Variants in HAUS1 observed in about 807,000 individuals in gnomAD.
The protein encoded by HAUS1 is HAUS augmin-like complex subunit 1.
In HAUS1, 25 loss-of-function variants were observed where a neutral mutation model predicts 38.6. The observed-to-expected ratio is 0.65, with a 90% CI of 0.47 to 0.91. HAUS1 has a LOEUF of 0.91. Ranked by LOEUF, HAUS1 falls within the 40% of genes least tolerant of loss-of-function variation. The probability of loss-of-function intolerance (pLI) is 0.00; values close to 1 mark genes in which losing one functional copy is unlikely to be tolerated. For synonymous variants in HAUS1, 109 were observed against 112.9 expected (o/e 0.97, Z 0.22); for missense variants, 325 against 328.4 (o/e 0.99, Z 0.08).
At chr18:46,110,190 C>G (rs1911582403) in intron 2 of HAUS1, among the ~76,000 whole-genome samples, 1 of 132,784 alleles carries the variant, frequency 7.5e-6, no homozygotes. Flanking sequence ...GAGTCTTGCT[C>G]TGTCACCCAG....
intron 2 of HAUS1, among the ~76,000 whole-genome samples, chr18:46,107,597 T>C (rs114226857): frequency 6.6e-6 from 1 of 152,160 alleles, no homozygotes; most frequent in Non-Finnish European, 1.5e-5. Flanking sequence ...AAATGAAAAA[T>C]ATGTGGAACT....
chr18:46,107,688 G>A (rs558680395), intron 2 of HAUS1, among the ~76,000 whole-genome samples: 1 of 152,308 alleles, frequency 6.6e-6, no homozygotes, highest in East Asian at 1.9e-4. Flanking sequence ...GAGTAGTAAT[G>A]CCATCTATAG....
intron 6 of HAUS1, among the ~76,000 whole-genome samples, chr18:46,124,312 A>T (rs2144265319): frequency 6.6e-6 from 1 of 151,536 alleles, no homozygotes; most frequent in African/African-American, 2.4e-5. Context: ...CAGGAGGCTG[A>T]GGCAGGAGAA....
At chr18:46,109,315 A>G (rs1255458039) in intron 2 of HAUS1, among the ~76,000 whole-genome samples, 1 of 152,096 alleles carries the variant, frequency 6.6e-6, no homozygotes, top group Non-Finnish European at 1.5e-5. Flanking sequence ...CGCCCCCATG[A>G]TCCAATCACC....
At chr18:46,114,548 G>A (rs996616379) in intron 2 of HAUS1, among the ~76,000 whole-genome samples, 16 of 152,202 alleles carry the variant, frequency 1.1e-4, no homozygotes, top group African/African-American at 3.4e-4. Flanking sequence ...TGGGACTCCA[G>A]TATTCTCAGC....
intron 4 of HAUS1, among the ~76,000 whole-genome samples, 178 bp downstream of exon 4, chr18:46,120,238 G>C (rs895898793): frequency 1.8e-4 from 28 of 151,352 alleles, no homozygotes; most frequent in Non-Finnish European, 2.5e-4. Flanking sequence ...GACTTTTCCA[G>C]CTTTTTTTTT....
intron 2 of HAUS1, among the ~76,000 whole-genome samples, chr18:46,113,063 A>T (rs1911714133): frequency 1.5e-5 from 2 of 132,126 alleles, no homozygotes; most frequent in South Asian, 4.3e-4. Context: ...TATATATATA[A>T]TATATATATT....
intron 2 of HAUS1, among the ~76,000 whole-genome samples, chr18:46,111,462 C>T (rs987055915): frequency 1.2e-4 from 18 of 152,052 alleles, no homozygotes; most frequent in Admixed American, 3.9e-4. Flanking sequence ...GCTGGACTTA[C>T]AGGCATATTT....
intron 2 of HAUS1, 75 bp from the exon 3 acceptor site, chr18:46,118,106 A>C: frequency 7.0e-7 from 1 of 1,438,358 alleles, no homozygotes; most frequent in East Asian, 2.3e-5. Context: ...ATGCTATGTG[A>C]ATTATGTCTT....
intron 2 of HAUS1, among the ~76,000 whole-genome samples, chr18:46,117,770 C>T (rs1326419452): frequency 6.6e-6 from 1 of 152,026 alleles, no homozygotes; most frequent in African/African-American, 2.4e-5. Context: ...TGGTGAAACC[C>T]CATCTCTACT....
intron 2 of HAUS1, among the ~76,000 whole-genome samples, chr18:46,109,002 T>C (rs1365215398): frequency 2.1e-5 from 3 of 140,346 alleles, no homozygotes; most frequent in Non-Finnish European, 4.5e-5. Context: ...ACCTGGGAGG[T>C]GGAGCTTGCA....
chr18:46,111,957 C>T (rs1419055393), intron 2 of HAUS1, among the ~76,000 whole-genome samples: 1 of 149,566 alleles, frequency 6.7e-6, no homozygotes, highest in South Asian at 2.1e-4. Flanking sequence ...ACGATCTCAG[C>T]TCACTGCAAC....
Position 46,125,263 on chromosome 18 carries a change from A to T in HAUS1, c.738+370A>T, listed in dbSNP as rs140453986. Among the ~76,000 whole-genome samples, 250 of 149,656 alleles carry T rather than the reference A, an allele frequency of 1.7e-3. 1 individual carries two copies. The highest frequency in any genetic ancestry group is 5.7e-3 in the African/African-American group (229 of 40,478). On this transcript the variant is annotated intron_variant, in intron 7 of 8. Transcript: ENST00000282058. ...CAACAGAGCAAGACTCCATCTCAAA[A>T]AAAAAGGCTGGGCATGATGGCTTAT... is the stretch of plus-strand genomic sequence containing the variant.
chr18:46,110,152 CTTT>C (rs869105132), intron 2 of HAUS1, among the ~76,000 whole-genome samples: 5 of 115,364 alleles, frequency 4.3e-5, no homozygotes, highest in Non-Finnish European at 8.9e-5. Flanking sequence ...TTATTTTGTC[CTTT>C]TTTTTTTTTT....
At chr18:46,123,456 C>A in intron 6 of HAUS1, 92 bp downstream of exon 6, 2 of 836,738 alleles carry the variant, frequency 2.4e-6, no homozygotes, top group Non-Finnish European at 4.0e-6. Flanking sequence ...CTTTTATTCA[C>A]TGTGGACCTG....
chr18:46,120,864 G>A (rs1300052431), intron 4 of HAUS1, among the ~76,000 whole-genome samples: 1 of 152,162 alleles, frequency 6.6e-6, no homozygotes, highest in African/African-American at 2.4e-5. Flanking sequence ...AGGATTACAG[G>A]CATGAGCCAC....
At chr18:46,106,191 C>T (rs1424765973) in intron 2 of HAUS1, among the ~76,000 whole-genome samples, 28 of 152,128 alleles carry the variant, frequency 1.8e-4, no homozygotes, top group Admixed American at 1.8e-3. Context: ...GCATTCAAGG[C>T]CGGGCACGGT....
At chr18:46,119,829 TA>T in intron 3 of HAUS1, 96 bp from the exon 4 acceptor site, 2 of 1,089,802 alleles carry the variant, frequency 1.8e-6, no homozygotes, top group Non-Finnish European at 2.6e-6. Flanking sequence ...CATGGTTATA[TA>T]AAAATCTACA....
rs1194438658 is a variant in HAUS1 at position 46,124,828 on chromosome 18, G to T, written c.673G>T (p.Ala225Ser). The change falls in exon 7 of 9, where the codon GCA becomes TCA. Residue 225 changes from alanine (A) to serine (S), a missense_variant. Ala to Ser is a moderately conservative substitution (Grantham distance 99). Transcript: ENST00000282058. ...TGTGTTCTTTTACCCCCAGAAACTGGCAAGATTAAAGCAACAGACTATACC... is the reference window on the plus strand; with the variant it reads ...TGTGTTCTTTTACCCCCAGAAACTGTCAAGATTAAAGCAACAGACTATACC... Reference protein sequence around the residue: ...QSLVALSEKLARLKQQTIPLK... With the variant: ...QSLVALSEKLSRLKQQTIPLK... 1 of 1,595,364 alleles carries T rather than the reference G, an allele frequency of 6.3e-7. No individual in the cohort carries two copies. Among genetic ancestry groups the T allele is most frequent in the Admixed American group, 1.7e-5 (1 of 59,116 alleles).
Sources: allele counts gnomAD v4.1 joint callset (sites outside exome capture counted in the v4.1 genomes callset), GRCh38; gene constraint gnomAD v4.1.1; transcripts MANE v1.5; gene names NCBI Gene and HGNC (gene_info 2026-07-23, HGNC 2026-07-21).